Variants in BFSP2 observed in about 807,000 individuals in gnomAD.
BFSP2 encodes phakinin.
BFSP2 carries 38 observed loss-of-function variants against 44.9 expected under a neutral mutation model. The ratio of observed to expected loss-of-function variants is 0.85; its 90% confidence interval spans 0.65 to 1.11. BFSP2 has a LOEUF of 1.11. BFSP2 is among the 50% of genes least tolerant of loss of function. The probability of loss-of-function intolerance (pLI) is 0.00; values close to 1 mark genes in which losing one functional copy is unlikely to be tolerated. For missense variants in BFSP2, 525 were observed against 533.0 expected (o/e 0.99, Z 0.15); for synonymous variants, 197 against 209.9 (o/e 0.94, Z 0.53).
intron 1 of BFSP2, among the ~76,000 whole-genome samples, chr3:133,435,650 G>A (rs1188034199): frequency 1.3e-5 from 2 of 152,210 alleles, no homozygotes; most frequent in East Asian, 3.8e-4. Context: ...TGTGTAAGCT[G>A]AACCAATGGA....
Position 133,429,116 on chromosome 3 carries a change from C to A in BFSP2, c.490-18201C>A, listed in dbSNP as rs187939477. 3.5e-4 allele frequency among the ~76,000 whole-genome samples: 54 copies of A among 152,180 alleles called. 2 individuals are homozygous for A. In the South Asian group the frequency reaches 0.011, roughly 30 times the overall value. Reference sequence around the variant, plus strand: ...CCTGATTGAATTCCACCCCCACCCCCCCAGAGGTCACTGCTGCCCTAAATT... The same window carrying A: ...CCTGATTGAATTCCACCCCCACCCCACCAGAGGTCACTGCTGCCCTAAATT... On this transcript the variant is annotated intron_variant, in intron 1 of 6. Coordinates refer to ENST00000302334, the MANE Select transcript of BFSP2 (RefSeq NM_003571.4).
At chr3:133,404,416 C>A (rs2073386808) in intron 1 of BFSP2, among the ~76,000 whole-genome samples, 2 of 152,130 alleles carry the variant, frequency 1.3e-5, no homozygotes, top group African/African-American at 4.8e-5. Context: ...CTCTTGCTCA[C>A]CCCCAACCCA....
At chr3:133,441,131 C>A (rs2073841463) in intron 1 of BFSP2, among the ~76,000 whole-genome samples, 1 of 151,604 alleles carries the variant, frequency 6.6e-6, no homozygotes, top group Admixed American at 6.6e-5. Flanking sequence ...CCTCCGCCTC[C>A]CAGGTTCAAG....
rs1021803176 is a variant in BFSP2 at position 133,450,413 on chromosome 3, G to A, written c.840G>A (p.Glu280=). Residue 280 remains glutamate, a synonymous_variant, in exon 4 of 7, where the codon GAG becomes GAA. Transcript: ENST00000302334. ...DILETIRIQW[E]RDVEKNRVEA... is the part of the protein sequence containing the mutation. The stretch of plus-strand genomic sequence containing the variant: ...TTGAGACGATCAGAATTCAGTGGGA[G>A]AGAGATGTTGAAAAGAACCGGGTGG... The A allele has an allele frequency of 1.2e-6, 2 of 1,614,040 alleles. No individual in the cohort carries two copies. Among genetic ancestry groups the A allele is most frequent in the African/African-American group, 2.7e-5 (2 of 74,938 alleles).
At chr3:133,424,226 T>TGTGTGTG (rs1313449511) in intron 1 of BFSP2, among the ~76,000 whole-genome samples, 2 of 128,954 alleles carry the variant, frequency 1.6e-5, no homozygotes, top group East Asian at 2.0e-4. Flanking sequence ...TTTTTTTTTT[T>TGTGTGTG]TTTTTTTTTT....
At chr3:133,434,758 G>C (rs1042418679) in intron 1 of BFSP2, among the ~76,000 whole-genome samples, 4 of 152,066 alleles carry the variant, frequency 2.6e-5, no homozygotes, top group African/African-American at 7.2e-5. Context: ...GGCTCAAAAA[G>C]CTACCCCACT....
chr3:133,466,087 C>T (rs769501955), intron 4 of BFSP2, among the ~76,000 whole-genome samples: 23 of 151,856 alleles, frequency 1.5e-4, no homozygotes, highest in Non-Finnish European at 2.6e-4. Context: ...AAAGTAGTGG[C>T]GAAAACTGCA....
chr3:133,471,644 G>T (rs1042584480), intron 5 of BFSP2, among the ~76,000 whole-genome samples: 7 of 152,106 alleles, frequency 4.6e-5, no homozygotes, highest in Non-Finnish European at 1.0e-4. Context: ...TCATGAGTAT[G>T]TTCAAATCAT....
At chr3:133,440,797 T>C (rs2073837830) in intron 1 of BFSP2, among the ~76,000 whole-genome samples, 1 of 152,186 alleles carries the variant, frequency 6.6e-6, no homozygotes, top group South Asian at 2.1e-4. Context: ...ATCTGGCCCC[T>C]CTACAATGAC....
At chr3:133,426,828 G>A (rs1479626328) in intron 1 of BFSP2, among the ~76,000 whole-genome samples, 3 of 152,208 alleles carry the variant, frequency 2.0e-5, no homozygotes, top group Non-Finnish European at 4.4e-5. Context: ...TACGTGATAT[G>A]GGCATGTGCC....
chr3:133,450,199 G>T, intron 3 of BFSP2, 104 bp from the exon 4 acceptor site: 4 of 1,315,878 alleles, frequency 3.0e-6, no homozygotes, highest in Non-Finnish European at 3.2e-6. Flanking sequence ...GGCAGTTGTG[G>T]AATGAGAAAA....
At chr3:133,420,314 T>C (rs566574806) in intron 1 of BFSP2, among the ~76,000 whole-genome samples, 1 of 152,190 alleles carries the variant, frequency 6.6e-6, no homozygotes, top group Non-Finnish European at 1.5e-5. Flanking sequence ...AGTTTGATGA[T>C]TGGGGATCTT....
chr3:133,440,926 C>T (rs865846997), intron 1 of BFSP2, among the ~76,000 whole-genome samples: 2 of 152,062 alleles, frequency 1.3e-5, no homozygotes, highest in African/African-American at 4.8e-5. Context: ...GTCTCTCATT[C>T]TCCTTGGACA....
chr3:133,471,103 G>A (rs2074157888), intron 5 of BFSP2, among the ~76,000 whole-genome samples: 2 of 152,334 alleles, frequency 1.3e-5, no homozygotes, highest in South Asian at 4.1e-4. Flanking sequence ...CCAGCTGTGT[G>A]TGCCATATCA....
At chr3:133,403,504 C>T (rs562583005) in intron 1 of BFSP2, among the ~76,000 whole-genome samples, 162 of 152,262 alleles carry the variant, frequency 1.1e-3, no homozygotes, top group Middle Eastern at 0.01. Context: ...GAGAGAAATT[C>T]GACCTCCTTA....
chr3:133,428,562 T>C (rs1482751270), intron 1 of BFSP2, among the ~76,000 whole-genome samples: 2 of 152,238 alleles, frequency 1.3e-5, no homozygotes, highest in East Asian at 1.9e-4. Flanking sequence ...GGAGCACCTG[T>C]GATCTGCCGT....
At chr3:133,417,358 C>A (rs2073547069) in intron 1 of BFSP2, among the ~76,000 whole-genome samples, 1 of 133,446 alleles carries the variant, frequency 7.5e-6, no homozygotes, top group Admixed American at 7.2e-5. Context: ...CGTTCTCTCC[C>A]CTCTACTCAC....
chr3:133,438,900 T>G lies in BFSP2; in HGVS notation c.490-8417T>G, dbSNP rs192014794. ...GACTCTTTCTACCTTTATATATAGT[T>G]ATACATAGTTGAAATTTCCCATAGT... On this transcript the variant is annotated intron_variant, in intron 1 of 6. Coordinates refer to ENST00000302334, the MANE Select transcript of BFSP2 (RefSeq NM_003571.4). Among the ~76,000 whole-genome samples the G allele has an allele frequency of 9.2e-5, 14 of 152,270 alleles. No homozygotes were observed. In the East Asian group the frequency reaches 2.3e-3, roughly 25 times the overall value.
intron 2 of BFSP2, among the ~76,000 whole-genome samples, chr3:133,447,827 A>G (rs1359161002): frequency 6.6e-6 from 1 of 152,156 alleles, no homozygotes; most frequent in East Asian, 1.9e-4. Flanking sequence ...TGATTCTCCA[A>G]CCTGGGCATA....
Sources: gnomAD v4.1 joint callset for allele counts (sites outside exome capture counted in the v4.1 genomes callset) on GRCh38, gnomAD v4.1.1 for gene constraint, MANE v1.5 for transcripts, NCBI Gene and HGNC (gene_info 2026-07-23, HGNC 2026-07-21) for gene names.